The following NAPSA variants were observed in gnomAD, a reference collection of about 807,000 sequenced individuals.
NAPSA encodes the protein napsin-A.
NAPSA carries 37 observed loss-of-function variants against 36.7 expected under a neutral mutation model. The ratio of observed to expected loss-of-function variants is 1.01; its 90% CI spans 0.78 to 1.33. The LOEUF is 1.33. NAPSA is among the 40% of genes most tolerant of loss of function. The probability of loss-of-function intolerance (pLI) is 0.00; values close to 1 mark genes in which losing one functional copy is unlikely to be tolerated. For missense variants in NAPSA, 532 were observed against 543.8 expected, an observed-to-expected ratio of 0.98 and a Z score of 0.21; for synonymous variants, 222 against 234.5, an observed-to-expected ratio of 0.95 and a Z score of 0.49.
At chr19:50,365,760 C>A (rs140476734), upstream of NAPSA, 633 of 662,088 alleles carry the variant, frequency 9.6e-4, 1 homozygote, top group African/African-American at 0.01. Flanking sequence ...CGCAGTGGGA[C>A]AAGGATGTTT....
At chr19:50,365,930 T>A, upstream of NAPSA, 1 of 260,578 alleles carries the variant, frequency 3.8e-6, no homozygotes, top group Non-Finnish European at 7.4e-6. Flanking sequence ...AGTTTTACTT[T>A]TAACTTTCAC....
chr19:50,362,355 G>A (rs201260060), intron 1 of NAPSA, 42 bp from the exon 2 acceptor site: 19 of 1,555,328 alleles, frequency 1.2e-5, no homozygotes, highest in Middle Eastern at 3.4e-4. Context: ...GCCCTTCTTG[G>A]AGAACCTCTA....
At chr19:50,367,453 C>T (rs2037561141), upstream of NAPSA, among the ~76,000 whole-genome samples, 1 of 152,138 alleles carries the variant, frequency 6.6e-6, no homozygotes, top group Admixed American at 6.6e-5. Context: ...TCTTAGTGGT[C>T]TTAGATAAGA....
chr19:50,359,048 AC>A lies in NAPSA; in HGVS notation c.997del (p.Val333SerfsTer58), dbSNP rs568951683. 6.8e-6 allele frequency: 11 copies of A among 1,613,308 alleles called. No individual in the cohort carries two copies. The highest frequency in any genetic ancestry group is 3.3e-5 in the Admixed American group (2 of 59,924). ...LPAVSFLLGG[V>X]WFNLTAHDYV... ...ATCATGGGCCGTGAGGTTAAACCAG[AC>A]CCCCCCAAGAAGGAAGGAGACTGCG... On this transcript the variant is annotated frameshift_variant, in exon 8 of 9. Transcript: ENST00000253719. LOFTEE classifies it low-confidence loss of function (END_TRUNC).
intron 5 of NAPSA, among the ~76,000 whole-genome samples, chr19:50,360,357 A>G (rs552779095): frequency 7.2e-5 from 11 of 152,304 alleles, no homozygotes; most frequent in South Asian, 2.1e-4. Context: ...GGTGGTTGGT[A>G]GAACTGCTAG....
Position 50,365,608 on chromosome 19 carries a change from G to A in NAPSA, c.14C>T (p.Pro5Leu), listed in dbSNP as rs370834519. Residue 5 changes from proline to leucine, a missense_variant, in exon 1 of 9, where the codon CCG becomes CTG. By Grantham distance (98) the Pro-to-Leu change is moderately conservative (BLOSUM62 -3). This residue lies in a region of NAPSA where 102 missense variants were observed against 93.6 expected (regional missense o/e 1.09). Transcript: ENST00000253719. ...CAGCAGCAGCAGGGGTTGCAGCAGCGGTGGTGGAGACATCGCTGGGGACCT... is the reference window on the plus strand; with the variant it reads ...CAGCAGCAGCAGGGGTTGCAGCAGCAGTGGTGGAGACATCGCTGGGGACCT... MSPP[P>L]LLQPLLLLLP... The A allele has an allele frequency of 1.4e-5, 23 of 1,611,260 alleles. No homozygotes were observed. The highest frequency in any genetic ancestry group is 1.8e-4 in the Middle Eastern group (1 of 5,518).
In NAPSA at chr19:50,358,729, C is replaced by T. The variant is rs766532694; in HGVS notation, c.1087G>A (p.Val363Ile). Residue 363 changes from valine (V) to isoleucine (I), a missense_variant, in exon 9 of 9, where the codon GTC becomes ATC. Val to Ile is a conservative substitution (Grantham distance 29). Transcript: ENST00000253719. ...LCLSGFQALD[V>I]PPPAGPFWIL... is the part of the protein sequence containing the mutation. ...CAGAAGGGCCCTGCAGGCGGAGGGA[C>T]ATCCAGGGCCTGGAAACCGGACAAG... 5 of 1,613,410 alleles carry T rather than the reference C, an allele frequency of 3.1e-6. No individual in the cohort carries two copies. In the South Asian group the frequency reaches 4.4e-5, roughly 14 times the overall value.
chr19:50,358,952 C>T, intron 8 of NAPSA, 59 bp downstream of exon 8: 1 of 1,488,912 alleles, frequency 6.7e-7, no homozygotes, highest in Non-Finnish European at 9.3e-7. Flanking sequence ...CGTCTCTCAG[C>T]TCTACCCTCT....
chr19:50,359,007 C>T lies in NAPSA; in HGVS notation c.1035+4G>A. 6.2e-7 allele frequency: 1 copy of T among 1,611,854 alleles called. No homozygotes were observed. The highest frequency in any genetic ancestry group is 8.5e-7 in the Non-Finnish European group (1 of 1,177,978). On this transcript the variant is annotated splice_donor_region_variant and intron_variant, in intron 8 of 8. Coordinates refer to ENST00000253719, the MANE Select transcript of NAPSA (RefSeq NM_004851.3). ...ACTATGGCGTCATGGTGATGGCCAC[C>T]TACCTGGATGACGTAATCATGGGCC...
At chr19:50,360,799 G>T in intron 5 of NAPSA, 142 bp downstream of exon 5, 1 of 793,442 alleles carries the variant, frequency 1.3e-6, no homozygotes, top group Non-Finnish European at 2.0e-6. Flanking sequence ...TTCTTGTATT[G>T]AATGGCTGAC....
At chr19:50,361,895 C>T in intron 3 of NAPSA, 74 bp downstream of exon 3, 2 of 1,598,758 alleles carry the variant, frequency 1.3e-6, no homozygotes, top group Non-Finnish European at 1.7e-6. Context: ...TCAAAAGCCT[C>T]TGAGAAGCTG....
rs774140602 is a variant in NAPSA, at chr19:50,362,219, A to G, written c.178T>C (p.Ser60Pro). The change falls in exon 2 of 9, where the codon TCC becomes CCC. Residue 60 changes from serine to proline, a missense_variant. Coordinates refer to ENST00000253719, the MANE Select transcript of NAPSA (RefSeq NM_004851.3). ...ACGAAGATGGGCTTGTCCCCAGGGG[A>G]TGGGGCCCCCAACTTGGGGAGCTCT... ...PAELPKLGAPSPGDKPIFVPL... is the reference protein window; with the variant it reads ...PAELPKLGAPPPGDKPIFVPL... 10 of 1,613,884 alleles carry G rather than the reference A, an allele frequency of 6.2e-6. No individual in the cohort carries two copies. In the South Asian group the frequency reaches 1.1e-4, roughly 18 times the overall value.
At position 50,365,567 on chromosome 19, in the gene NAPSA, C is replaced by T. The variant is rs747594458; in HGVS notation, c.55G>A (p.Val19Met). ...ATCAGTGTGGCCCCGGAAGGCTCCA[C>T]ATTCAGCAGAGGCAGCAGCAGCAGC... ...PLLLLLPLLN[V>M]EPSGATLIRI... is the part of the protein sequence containing the mutation. Residue 19 changes from valine to methionine, a missense_variant, in exon 1 of 9, where the codon GTG becomes ATG. Coordinates refer to ENST00000253719, the MANE Select transcript of NAPSA (RefSeq NM_004851.3). 5.6e-6 allele frequency: 9 copies of T among 1,613,756 alleles called. 2 individuals carry two copies. In the South Asian group the frequency reaches 7.7e-5, roughly 14 times the overall value.
intron 1 of NAPSA, among the ~76,000 whole-genome samples, chr19:50,363,530 C>G (rs2037503681): frequency 1.3e-5 from 2 of 151,950 alleles, no homozygotes. Flanking sequence ...ATGGGCACAC[C>G]ACCACACCTG....
intron 7 of NAPSA, 69 bp from the exon 8 acceptor site, chr19:50,359,178 A>T: frequency 7.3e-7 from 1 of 1,361,344 alleles, no homozygotes; most frequent in South Asian, 1.2e-5. Context: ...GTGGCTCCCC[A>T]GTGCCATAGG....
chr19:50,368,573 C>T (rs189173073), upstream of NAPSA, among the ~76,000 whole-genome samples: 3 of 152,114 alleles, frequency 2.0e-5, no homozygotes, highest in African/African-American at 4.8e-5. Context: ...CTGAAGCAGC[C>T]GAACGTGTCC....
chr19:50,367,106 T>C (rs2037558222), upstream of NAPSA, among the ~76,000 whole-genome samples: 1 of 151,990 alleles, frequency 6.6e-6, no homozygotes, highest in African/African-American at 2.4e-5. Context: ...ATTACAGGCA[T>C]GAGCCACCGC....
At chr19:50,363,941 C>T (rs1325456821) in intron 1 of NAPSA, among the ~76,000 whole-genome samples, 7 of 152,050 alleles carry the variant, frequency 4.6e-5, no homozygotes, top group African/African-American at 1.2e-4. Context: ...ATCTGGGGCT[C>T]GAAGATGGGA....
chr19:50,358,737 G>A lies in NAPSA; in HGVS notation c.1079C>T (p.Ala360Val). Residue 360 changes from alanine (A) to valine (V), a missense_variant, in exon 9 of 9, where the codon GCC becomes GTC. Coordinates refer to ENST00000253719, the MANE Select transcript of NAPSA (RefSeq NM_004851.3). ...GVRLCLSGFQ[A>V]LDVPPPAGPF... The stretch of plus-strand genomic sequence containing the variant: ...CCCTGCAGGCGGAGGGACATCCAGG[G>A]CCTGGAAACCGGACAAGCAGAGGCG... 6.2e-7 allele frequency: 1 copy of A among 1,613,444 alleles called. No homozygotes were observed. Among genetic ancestry groups the A allele is most frequent in the South Asian group, 1.1e-5 (1 of 91,074 alleles).
Sources: allele counts gnomAD v4.1 joint callset (sites outside exome capture counted in the v4.1 genomes callset), GRCh38; gene constraint gnomAD v4.1.1; regional missense constraint gnomAD v4.1.1; transcripts MANE v1.5; gene names NCBI Gene and HGNC (gene_info 2026-07-23, HGNC 2026-07-21).